Variants in MED13 observed in about 807,000 individuals in gnomAD.
MED13 encodes the protein mediator of RNA polymerase II transcription subunit 13.
Under a neutral mutation model 225.2 loss-of-function variants are expected in MED13, and 23 were observed. The observed-to-expected ratio is 0.10, with a 90% CI of 0.07 to 0.14. MED13 has a LOEUF of 0.14. Ranked by LOEUF, MED13 falls within the 10% of genes least tolerant of loss-of-function variation. MED13 has a pLI of 1.00. For synonymous variants in MED13, 942 were observed against 889.2 expected, an observed-to-expected ratio of 1.06 and a Z score of -1.06; for missense variants, 2,197 against 2,594.5, an observed-to-expected ratio of 0.85 and a Z score of 3.33.
At chr17:62,047,610 G>A (rs1212485343) in intron 3 of MED13, among the ~76,000 whole-genome samples, 1 of 152,030 alleles carries the variant, frequency 6.6e-6, no homozygotes, top group Non-Finnish European at 1.5e-5. Context: ...TGCATATGGG[G>A]CTTAAAACCC....
chr17:62,046,609 G>C (rs1567999881), intron 3 of MED13, among the ~76,000 whole-genome samples: 1 of 152,186 alleles, frequency 6.6e-6, no homozygotes, highest in East Asian at 1.9e-4. Flanking sequence ...CGAGGCCAAA[G>C]ATGGTGGGTA....
chr17:61,985,158 C>G, intron 12 of MED13, 68 bp from the exon 13 acceptor site: 1 of 1,314,048 alleles, frequency 7.6e-7, no homozygotes, highest in Non-Finnish European at 1.1e-6. Flanking sequence ...AGTAATCATT[C>G]AGATATAACT....
chr17:61,970,896 G>T (rs2143400624), intron 17 of MED13, among the ~76,000 whole-genome samples: 1 of 151,862 alleles, frequency 6.6e-6, no homozygotes, highest in East Asian at 1.9e-4. Context: ...GTGGTGGTGA[G>T]CACCTGTAGT....
chr17:61,948,800 G>A (rs949650047), intron 28 of MED13, among the ~76,000 whole-genome samples: 3 of 151,390 alleles, frequency 2.0e-5, no homozygotes, highest in African/African-American at 7.3e-5. Flanking sequence ...GAATAAGTGA[G>A]TCACGGCCGG....
intron 16 of MED13, among the ~76,000 whole-genome samples, chr17:61,974,626 C>T (rs2143418786): frequency 6.6e-6 from 1 of 151,922 alleles, no homozygotes; most frequent in Non-Finnish European, 1.5e-5. Context: ...ATCCAGAAAT[C>T]AAACCTCATG....
intron 16 of MED13, among the ~76,000 whole-genome samples, chr17:61,978,057 A>G (rs2080171769): frequency 6.6e-6 from 1 of 152,192 alleles, no homozygotes; most frequent in Non-Finnish European, 1.5e-5. Flanking sequence ...GTTGGTTCTT[A>G]AAAACAAAAT....
Position 61,961,022 on chromosome 17 carries a change from CTCTG to C in MED13, c.5321_5324del (p.Thr1774SerfsTer2), listed in dbSNP as rs1567943958. The stretch of plus-strand genomic sequence containing the variant: ...CAGCTTCTCCAAATGTTTCTCCTAG[CTCTG>C]TCTGTTTGTCCTTCACTGGAGCCAG... On this transcript the variant is annotated frameshift_variant, in exon 23 of 30. Coordinates refer to ENST00000397786, the MANE Select transcript of MED13 (RefSeq NM_005121.3). LOFTEE classifies it high-confidence loss of function. 6.2e-7 allele frequency: 1 copy of C among 1,613,980 alleles called. No homozygotes were observed.
chr17:62,015,554 G>C (rs1478082512), intron 8 of MED13, among the ~76,000 whole-genome samples: 1 of 151,606 alleles, frequency 6.6e-6, no homozygotes, highest in Non-Finnish European at 1.5e-5. Context: ...TTATATTCTT[G>C]TGTACTGTTT....
At chr17:61,948,775 G>A (rs1488948680) in intron 28 of MED13, among the ~76,000 whole-genome samples, 2 of 151,362 alleles carry the variant, frequency 1.3e-5, no homozygotes, top group Non-Finnish European at 1.5e-5. Flanking sequence ...GTCAACTTCC[G>A]GTGGTTTTAC....
At position 61,947,697 on chromosome 17, in the gene MED13, T is replaced by C. The variant is rs17614789; in HGVS notation, c.6292-680A>G. 8.7e-3 allele frequency among the ~76,000 whole-genome samples: 1,319 copies of C among 152,340 alleles called. 8 individuals carry two copies. Among genetic ancestry groups the C allele is most frequent in the Non-Finnish European group, 0.014 (927 of 68,028 alleles). Reference sequence around the variant, plus strand: ...GTAATACAGTGCACAGATGCCTGCTTTGCCCACTCAATTTCATAATAGAGG... The same window carrying C: ...GTAATACAGTGCACAGATGCCTGCTCTGCCCACTCAATTTCATAATAGAGG... On this transcript the variant is annotated intron_variant, in intron 28 of 29. Coordinates refer to ENST00000397786, the MANE Select transcript of MED13 (RefSeq NM_005121.3).
Position 61,955,858 on chromosome 17 carries a change from A to T in MED13, c.5624-20T>A. 1 of 889,610 alleles carries T rather than the reference A, an allele frequency of 1.1e-6. No individual in the cohort carries two copies. The highest frequency in any genetic ancestry group is 1.5e-6 in the Non-Finnish European group (1 of 668,630). 55.1% of individuals were successfully genotyped at this position (889,610 alleles called of 1,614,324 possible). A position where few individuals can be genotyped will look rare whatever the true frequency, so the allele number is the denominator to read the frequency against. On this transcript the variant is annotated intron_variant, in intron 24 of 29. Coordinates refer to ENST00000397786, the MANE Select transcript of MED13 (RefSeq NM_005121.3). The stretch of plus-strand genomic sequence containing the variant: ...TCCAATCTGTGGGTATCAACAGTAA[A>T]AAAAAAAAAAAAAAAAAAAAAAATC...
chr17:61,984,034 T>C (rs1183319407), intron 15 of MED13, 137 bp downstream of exon 15: 3 of 644,478 alleles, frequency 4.7e-6, no homozygotes, highest in Non-Finnish European at 7.1e-6. Flanking sequence ...AGCCAATCAC[T>C]ATAATTGATT....
At chr17:61,992,294 A>C (rs1051382570) in intron 11 of MED13, among the ~76,000 whole-genome samples, 29 of 152,232 alleles carry the variant, frequency 1.9e-4, no homozygotes, top group African/African-American at 7.0e-4. Context: ...CTGAGTTTTT[A>C]ATAGAAAACT....
chr17:62,022,842 T>C (rs781493043), intron 8 of MED13, among the ~76,000 whole-genome samples: 10 of 152,080 alleles, frequency 6.6e-5, no homozygotes, highest in Non-Finnish European at 1.3e-4. Context: ...TGACCCCGTC[T>C]CTACAAAATA....
intron 20 of MED13, 32 bp from the exon 21 acceptor site, chr17:61,963,003 TTGTAC>T (rs763140993): frequency 1.3e-6 from 2 of 1,592,566 alleles, no homozygotes; most frequent in South Asian, 2.2e-5. Context: ...AGACAAAAAG[TTGTAC>T]TGTATATGCT....
chr17:61,984,760 T>C lies in MED13; in HGVS notation c.2582A>G (p.Asp861Gly). ...TAGAACAGTTCCTCCAGGTGTTGTA[T>C]CCATACTACCATATTCTTTATTATT... Reference protein sequence around the residue: ...NMNNKEYGSMDTTPGGTVLEG... With the variant: ...NMNNKEYGSMGTTPGGTVLEG... Residue 861 changes from aspartate (D) to glycine (G), a missense_variant, in exon 14 of 30, where the codon GAT (aspartate) becomes GGT (glycine). Asp to Gly is a moderately conservative substitution (Grantham distance 94). This residue lies in a region of MED13 where 160 missense variants were observed against 184.8 expected (regional missense o/e 0.87). Coordinates refer to ENST00000397786, the MANE Select transcript of MED13 (RefSeq NM_005121.3). 6.2e-7 allele frequency: 1 copy of C among 1,613,700 alleles called. No individual in the cohort carries two copies. The highest frequency in any genetic ancestry group is 8.5e-7 in the Non-Finnish European group (1 of 1,179,604).
chr17:62,054,307 C>A (rs1230880824), intron 2 of MED13, among the ~76,000 whole-genome samples: 25 of 145,598 alleles, frequency 1.7e-4, no homozygotes, highest in Non-Finnish European at 2.3e-4. Flanking sequence ...TCCAAAAAAA[C>A]AAACAAACAA....
chr17:61,954,728 G>C (rs916735005), intron 26 of MED13, among the ~76,000 whole-genome samples: 1 of 152,172 alleles, frequency 6.6e-6, no homozygotes, highest in East Asian at 1.9e-4. Flanking sequence ...AGTAGGCTGA[G>C]ATCGTACCAC....
intron 9 of MED13, among the ~76,000 whole-genome samples, chr17:62,008,317 CAAAAAAAAAAAA>C (rs766909961): frequency 3.6e-4 from 12 of 33,228 alleles, no homozygotes; most frequent in Admixed American, 7.4e-4. Flanking sequence ...GGCTCTGTCT[CAAAAAAAAAAAA>C]AAAAAAAAAA....
Sources: allele counts gnomAD v4.1 joint callset (sites outside exome capture counted in the v4.1 genomes callset), GRCh38; gene constraint gnomAD v4.1.1; regional missense constraint gnomAD v4.1.1; transcripts MANE v1.5; gene names NCBI Gene and HGNC (gene_info 2026-07-23, HGNC 2026-07-21).